TGFB2: variants seen among roughly 807,000 people sequenced by gnomAD.
The protein encoded by TGFB2 is transforming growth factor beta-2 proprotein.
In TGFB2, 13 loss-of-function variants were observed where a neutral mutation model predicts 42.7. The observed-to-expected ratio is 0.30, with a 90% CI of 0.20 to 0.48. The LOEUF (loss-of-function observed/expected upper bound fraction) is 0.48, where lower values mean the gene tolerates loss of function less well. Among genes scored for constraint, TGFB2 ranks in the 20% least tolerant of loss-of-function variants. The pLI is 0.99. For missense variants in TGFB2, 390 were observed against 517.5 expected (o/e 0.75, Z 2.39); for synonymous variants, 193 against 193.6 (o/e 1.00, Z 0.03).
intron 1 of TGFB2, among the ~76,000 whole-genome samples, chr1:218,380,505 A>C (rs1417224972): frequency 2.0e-5 from 3 of 151,880 alleles, no homozygotes; most frequent in African/African-American, 7.3e-5. Context: ...ACAAATGTTT[A>C]TAGAGTTGGA....
intron 1 of TGFB2, among the ~76,000 whole-genome samples, chr1:218,350,640 A>T (rs1269009065): frequency 6.7e-6 from 1 of 149,138 alleles, no homozygotes; most frequent in African/African-American, 2.6e-5. Flanking sequence ...TCAGACAGTT[A>T]TCTTAATTAA....
chr1:218,353,315 T>G (rs940694255), intron 1 of TGFB2, among the ~76,000 whole-genome samples: 1 of 152,164 alleles, frequency 6.6e-6, no homozygotes, highest in Admixed American at 6.5e-5. Context: ...AGGGCAGGGA[T>G]GGGATGGGGC....
intron 2 of TGFB2, among the ~76,000 whole-genome samples, chr1:218,422,218 TTTTC>T (rs1275314053): frequency 6.6e-6 from 1 of 151,492 alleles, no homozygotes; most frequent in Non-Finnish European, 1.5e-5. Flanking sequence ...TGTTTTTTTG[TTTTC>T]TTTTTTTTTG....
At position 218,436,041 on chromosome 1, in the gene TGFB2, G is replaced by A. The variant is rs1169804851; in HGVS notation, c.826G>A (p.Gly276Arg). ...AAAGTCCACTAGGAAAAAAAACAGT[G>A]GGAAGACCCCACATCTCCTGCTAAT... ...TIKSTRKKNS[G>R]KTPHLLLMLL... Residue 276 changes from glycine (G) to arginine (R), a missense_variant, in exon 5 of 7, where the codon GGG becomes AGG. Transcript: ENST00000366930. 6.2e-6 allele frequency: 10 copies of A among 1,613,886 alleles called. No homozygotes were observed. Among genetic ancestry groups the A allele is most frequent in the Non-Finnish European group, 7.6e-6 (9 of 1,179,942 alleles).
chr1:218,376,248 C>G (rs1386405181), intron 1 of TGFB2, among the ~76,000 whole-genome samples: 2 of 152,126 alleles, frequency 1.3e-5, no homozygotes, highest in East Asian at 3.9e-4. Flanking sequence ...GTTAGGAGGG[C>G]TGGAAGCTCA....
chr1:218,371,294 C>T (rs970020220), intron 1 of TGFB2, among the ~76,000 whole-genome samples: 2 of 152,068 alleles, frequency 1.3e-5, no homozygotes, highest in Non-Finnish European at 2.9e-5. Flanking sequence ...GAGGGGAGAC[C>T]CTGTCTCAAT....
chr1:218,414,228 C>T (rs1659197040), intron 2 of TGFB2, among the ~76,000 whole-genome samples: 1 of 67,044 alleles, frequency 1.5e-5, no homozygotes, highest in South Asian at 7.1e-4. Flanking sequence ...AACACATGTG[C>T]ACACACACAC....
chr1:218,413,691 C>T (rs987085462), intron 2 of TGFB2, among the ~76,000 whole-genome samples: 20 of 152,294 alleles, frequency 1.3e-4, no homozygotes, highest in African/African-American at 4.1e-4. Flanking sequence ...GACACAATCC[C>T]GTTGTAAGTC....
chr1:218,363,023 G>C lies in TGFB2; in HGVS notation c.346+15976G>C, dbSNP rs1213164266. ...CTTATTCATCTTTAATATAAATCAA[G>C]GTATTTATTTTACCGTTTCAGTATG... On this transcript the variant is annotated intron_variant, in intron 1 of 6. Transcript: ENST00000366930. Among the ~76,000 whole-genome samples, 5 of 152,060 alleles carry C rather than the reference G, an allele frequency of 3.3e-5. No homozygotes were observed. The East Asian group carries it at 9.6e-4, about 29-fold the overall frequency.
At chr1:218,402,970 T>G (rs1264626014) in intron 1 of TGFB2, among the ~76,000 whole-genome samples, 1 of 152,220 alleles carries the variant, frequency 6.6e-6, no homozygotes, top group Admixed American at 6.5e-5. Flanking sequence ...TAGGACCAGC[T>G]GTTCCAATCA....
intron 1 of TGFB2, among the ~76,000 whole-genome samples, chr1:218,367,372 A>G (rs769897935): frequency 7.9e-5 from 12 of 152,200 alleles, no homozygotes; most frequent in Non-Finnish European, 1.6e-4. Context: ...CTTTCCAAAC[A>G]GTGTTTTGTT....
intron 1 of TGFB2, among the ~76,000 whole-genome samples, chr1:218,355,527 T>G (rs1657004559): frequency 6.6e-6 from 1 of 152,234 alleles, no homozygotes; most frequent in African/African-American, 2.4e-5. Flanking sequence ...TAAAACTGCC[T>G]CATTGATATT....
intron 1 of TGFB2, among the ~76,000 whole-genome samples, chr1:218,364,382 T>C (rs1051211843): frequency 2.0e-5 from 3 of 152,210 alleles, no homozygotes; most frequent in African/African-American, 7.2e-5. Flanking sequence ...AATTCAGCCA[T>C]TTATTGAATG....
intron 1 of TGFB2, among the ~76,000 whole-genome samples, chr1:218,392,670 G>T (rs1461783074): frequency 6.6e-6 from 1 of 152,222 alleles, no homozygotes; most frequent in East Asian, 1.9e-4. Context: ...CCTAGTAGGT[G>T]CCAGGCAACC....
chr1:218,355,153 G>A (rs1426742338), intron 1 of TGFB2, among the ~76,000 whole-genome samples: 2 of 152,178 alleles, frequency 1.3e-5, no homozygotes, highest in Middle Eastern at 3.2e-3. Flanking sequence ...ATCCGCCTCG[G>A]TCTCCCAAAG....
intron 1 of TGFB2, among the ~76,000 whole-genome samples, chr1:218,376,448 T>G (rs1178103402): frequency 6.6e-6 from 1 of 152,182 alleles, no homozygotes; most frequent in Non-Finnish European, 1.5e-5. Flanking sequence ...GCCTTAAGAA[T>G]TTGGTGCCTG....
chr1:218,423,673 G>T (rs1313580911), intron 2 of TGFB2, among the ~76,000 whole-genome samples: 1 of 152,084 alleles, frequency 6.6e-6, no homozygotes, highest in Admixed American at 6.6e-5. Flanking sequence ...TGAGATGATA[G>T]GTTGGTGGCC....
intron 2 of TGFB2, among the ~76,000 whole-genome samples, chr1:218,427,562 C>T (rs1036023395): frequency 6.6e-6 from 1 of 152,146 alleles, no homozygotes; most frequent in Non-Finnish European, 1.5e-5. Context: ...TCAATTCCCA[C>T]CTATGAGTGA....
At chr1:218,371,375 G>A (rs1245561368) in intron 1 of TGFB2, among the ~76,000 whole-genome samples, 3 of 151,970 alleles carry the variant, frequency 2.0e-5, no homozygotes, top group African/African-American at 7.3e-5. Flanking sequence ...TGACATGATT[G>A]GATCCACACT....
Sources: allele counts gnomAD v4.1 joint callset (sites outside exome capture counted in the v4.1 genomes callset), GRCh38; gene constraint gnomAD v4.1.1; transcripts MANE v1.5; gene names NCBI Gene and HGNC (gene_info 2026-07-23, HGNC 2026-07-21).